Variants in PCDHGB3 observed in about 807,000 individuals in gnomAD.
PCDHGB3 encodes protocadherin gamma subfamily B, 3.
Under a neutral mutation model 59.2 loss-of-function variants are expected in PCDHGB3, and 40 were observed. The ratio of observed to expected loss-of-function variants is 0.68; its 90% CI spans 0.52 to 0.88. The LOEUF (loss-of-function observed/expected upper bound fraction) is 0.88, where lower values mean the gene tolerates loss of function less well. Among genes scored for constraint, PCDHGB3 ranks in the 40% least tolerant of loss-of-function variants. PCDHGB3 has a pLI of 0.00. For synonymous variants in PCDHGB3, 581 were observed against 503.6 expected, an observed-to-expected ratio of 1.15 and a Z score of -2.06; for missense variants, 1,309 against 1,187.9, an observed-to-expected ratio of 1.10 and a Z score of -1.50.
intron 1 of PCDHGB3, among the ~76,000 whole-genome samples, chr5:141,492,760 C>T (rs991820569): frequency 1.3e-5 from 2 of 152,212 alleles, no homozygotes; most frequent in Admixed American, 1.3e-4. Context: ...CAGGGCTCCG[C>T]GTTGGGCGAG....
At position 141,476,980 on chromosome 5, in the gene PCDHGB3, C is replaced by T; in HGVS notation, c.2416-17827C>T. 6.2e-7 allele frequency: 1 copy of T among 1,614,232 alleles called. No individual in the cohort carries two copies. Among genetic ancestry groups the T allele is most frequent in the Non-Finnish European group, 8.5e-7 (1 of 1,180,044 alleles). On this transcript the variant is annotated intron_variant, in intron 1 of 3. Coordinates refer to ENST00000576222, the MANE Select transcript of PCDHGB3 (RefSeq NM_018924.5). This position sits in a 1 kb window ranked among gnomAD's most constrained non-coding sequence, Gnocchi z 7.6. Reference sequence around the variant, plus strand: ...TTTACTCCTTCGGCAGCCACAACCGCGCCGGCGTGCGGCAACTATTCGCCT... The same window carrying T: ...TTTACTCCTTCGGCAGCCACAACCGTGCCGGCGTGCGGCAACTATTCGCCT...
intron 1 of PCDHGB3, chr5:141,395,547 TGTG>T (rs1561655259): frequency 0.04 from 6,887 of 174,198 alleles, 418 homozygotes; most frequent in African/African-American, 0.079. Context: ...ATTGTTTGTG[TGTG>T]TGTGTGTGTG....
Position 141,394,937 on chromosome 5 carries a change from C to T in PCDHGB3, c.2415+22128C>T, listed in dbSNP as rs1224179687. 4.3e-6 allele frequency: 7 copies of T among 1,613,688 alleles called. No individual in the cohort carries two copies. In the East Asian group the frequency reaches 8.9e-5, roughly 21 times the overall value. ...TCTCCTGTGTCTTCCTCGCCTTTGT[C>T]GCTGTGCTTCTGGGGCTCAGGCTGA... On this transcript the variant is annotated intron_variant, in intron 1 of 3. Transcript: ENST00000576222.
intron 1 of PCDHGB3, chr5:141,399,579 C>T: frequency 6.2e-7 from 1 of 1,614,026 alleles, no homozygotes; most frequent in South Asian, 1.1e-5. Context: ...GCCAAGTCTC[C>T]TACTCTATCA....
rs1317150359 is a variant in PCDHGB3 at position 141,420,381 on chromosome 5, G to A, written c.2415+47572G>A. On this transcript the variant is annotated intron_variant, in intron 1 of 3. Transcript: ENST00000576222. ...TCTAGATAACTTCTTCATAGAGTTC[G>A]CAAAATATAGGTCAAATTTATGGTT... The A allele has an allele frequency of 1.1e-5, 14 of 1,298,362 alleles. No homozygotes were observed. In the Admixed American group the frequency reaches 1.3e-4, roughly 13 times the overall value. The allele number at this position is 1,298,362 out of a possible 1,614,324, so 80.4% of individuals were successfully genotyped here.
chr5:141,387,780 G>T, intron 1 of PCDHGB3: 2 of 1,461,128 alleles, frequency 1.4e-6, no homozygotes, highest in Admixed American at 2.6e-5. Flanking sequence ...TCTTGAACTG[G>T]AACTGCAACT....
At chr5:141,383,770 A>T (rs776707003) in intron 1 of PCDHGB3, 11 of 1,613,890 alleles carry the variant, frequency 6.8e-6, no homozygotes, top group Non-Finnish European at 8.5e-6. Flanking sequence ...ACTTCCAAAG[A>T]TGTTTCATCT....
At chr5:141,429,559 A>G (rs2097222911) in intron 1 of PCDHGB3, among the ~76,000 whole-genome samples, 2 of 152,146 alleles carry the variant, frequency 1.3e-5, no homozygotes, top group Admixed American at 6.5e-5. Context: ...TGATTTGATA[A>G]TATTCAGTTA....
intron 1 of PCDHGB3, chr5:141,374,803 A>C (rs371815306): frequency 4.3e-6 from 7 of 1,613,866 alleles, no homozygotes; most frequent in African/African-American, 4.0e-5. Flanking sequence ...ACAACACTCC[A>C]ATGTTTACTC....
intron 1 of PCDHGB3, chr5:141,414,666 A>G (rs1243321329): frequency 6.2e-7 from 1 of 1,614,002 alleles, no homozygotes; most frequent in Admixed American, 1.7e-5. Context: ...CCCTGGCTGA[A>G]GACACCATCC....
At chr5:141,409,200 T>A in intron 1 of PCDHGB3, 1 of 1,614,020 alleles carries the variant, frequency 6.2e-7, no homozygotes, top group Non-Finnish European at 8.5e-7. Flanking sequence ...CAGTGTAAAG[T>A]AATCATAGAA....
intron 1 of PCDHGB3, chr5:141,378,196 A>C (rs1197830416): frequency 6.6e-6 from 1 of 152,188 alleles, no homozygotes; most frequent in Non-Finnish European, 1.5e-5. Flanking sequence ...TGCCTACTAC[A>C]GTGTCTTTTG....
At chr5:141,420,651 T>A (rs1357679146) in intron 1 of PCDHGB3, among the ~76,000 whole-genome samples, 1 of 152,274 alleles carries the variant, frequency 6.6e-6, no homozygotes, top group East Asian at 1.9e-4. Flanking sequence ...GTAAGAATTA[T>A]AGTTAGGCAT....
In PCDHGB3 at chr5:141,372,657, T is replaced by C; in HGVS notation, c.2263T>C (p.Cys755Arg). 1.9e-6 allele frequency: 3 copies of C among 1,614,048 alleles called. No homozygotes were observed. Among genetic ancestry groups the C allele is most frequent in the Non-Finnish European group, 2.5e-6 (3 of 1,179,890 alleles). Residue 755 changes from cysteine (C) to arginine (R), a missense_variant, in exon 1 of 4, where the codon TGT (cysteine) becomes CGT (arginine). By Grantham distance (180) the Cys-to-Arg change is radical. Coordinates refer to ENST00000576222, the MANE Select transcript of PCDHGB3 (RefSeq NM_018924.5). ...ERTLPYSYNPCAASHSSNTEF... is the reference protein window; with the variant it reads ...ERTLPYSYNPRAASHSSNTEF... ...GACTTTGCCTTATTCCTACAATCCG[T>C]GTGCTGCCTCACATTCCTCAAACAC...
chr5:141,479,435 G>C (rs2099495981), intron 1 of PCDHGB3: 1 of 152,218 alleles, frequency 6.6e-6, no homozygotes, highest in Non-Finnish European at 1.5e-5. Context: ...TCAATCCACT[G>C]TCTGCACTAA....
At chr5:141,419,584 C>T in intron 1 of PCDHGB3, 1 of 1,611,798 alleles carries the variant, frequency 6.2e-7, no homozygotes, top group Non-Finnish European at 8.5e-7. Context: ...CCGCGCTCTT[C>T]GACACAGTGC....
In PCDHGB3 at chr5:141,374,709, G is replaced by T. The variant is rs774211225; in HGVS notation, c.2415+1900G>T. 6.8e-6 allele frequency: 11 copies of T among 1,608,934 alleles called. No individual in the cohort carries two copies. The African/African-American group carries it at 8.0e-5, about 12-fold the overall frequency. On this transcript the variant is annotated intron_variant, in intron 1 of 3. Coordinates refer to ENST00000576222, the MANE Select transcript of PCDHGB3 (RefSeq NM_018924.5). ...GACCGGGAAGGAGAAGCCGTTTACC[G>T]CCTGGTCCTTACTGCCATGGATGGC...
intron 1 of PCDHGB3, chr5:141,428,018 C>T (rs771831423): frequency 1.9e-6 from 3 of 1,604,570 alleles, no homozygotes; most frequent in Non-Finnish European, 2.6e-6. Flanking sequence ...TAGTGCCACG[C>T]GCCGCAGAGT....
chr5:141,422,331 T>C (rs768333038), intron 1 of PCDHGB3: 1 of 1,548,508 alleles, frequency 6.5e-7, no homozygotes, highest in South Asian at 1.3e-5. Context: ...CAGTGATTGC[T>C]CTTCTAAATG....
Sources: gnomAD v4.1 joint callset for allele counts (sites outside exome capture counted in the v4.1 genomes callset) on GRCh38, gnomAD v4.1.1 for gene constraint, Gnocchi (gnomAD v3.1) non-coding constraint, MANE v1.5 for transcripts, NCBI Gene and HGNC (gene_info 2026-07-23, HGNC 2026-07-21) for gene names.